The following RYR2 variants were observed in gnomAD, a reference collection of about 807,000 sequenced individuals.
RYR2 encodes ryanodine receptor 2, also known as cardiac muscle ryanodine receptor-calcium release channel.
Under a neutral mutation model 601.1 loss-of-function variants are expected in RYR2, and 227 were observed. The observed-to-expected ratio is 0.38, with a 90% CI of 0.34 to 0.42. RYR2 has a LOEUF of 0.42. Ranked by LOEUF, RYR2 falls within the 10% of genes least tolerant of loss-of-function variation. The pLI is 1.00. For synonymous variants in RYR2, 2,223 were observed against 2,175.1 expected (o/e 1.02, Z -0.61); for missense variants, 4,646 against 6,156.5 (o/e 0.75, Z 8.21).
intron 2 of RYR2, among the ~76,000 whole-genome samples, chr1:237,275,789 G>T (rs186619098): frequency 6.6e-6 from 1 of 152,076 alleles, no homozygotes; most frequent in African/African-American, 2.4e-5. Flanking sequence ...AATATTTTAG[G>T]CCACAAAGAA....
chr1:237,639,701 T>C (rs556389827), intron 46 of RYR2, among the ~76,000 whole-genome samples: 32 of 152,304 alleles, frequency 2.1e-4, no homozygotes, highest in African/African-American at 7.5e-4. Flanking sequence ...GCAGTCACTA[T>C]CTTACATTTA....
chr1:237,595,752 G>T (rs566562446), intron 34 of RYR2, 95 bp downstream of exon 34: 1 of 1,421,484 alleles, frequency 7.0e-7, no homozygotes, highest in Non-Finnish European at 9.3e-7. Flanking sequence ...AAGTAAAATA[G>T]ACACATGTAC....
Position 237,374,872 on chromosome 1 carries a change from C to T in RYR2, c.463+77C>T, listed in dbSNP as rs569759379. 481 of 1,076,180 alleles carry T rather than the reference C, an allele frequency of 4.5e-4. 2 individuals carry two copies. Among genetic ancestry groups the T allele is most frequent in the Admixed American group, 7.5e-4 (36 of 48,228 alleles). 66.7% of individuals were successfully genotyped at this position (1,076,180 alleles called of 1,614,324 possible). ...TTGGATTGGAAGAAGCCGGGAAATA[C>T]GATACATGGGATGAATGTTCTTATG... On this transcript the variant is annotated intron_variant, in intron 7 of 104. Transcript: ENST00000366574.
chr1:237,722,895 ACT>A lies in RYR2; in HGVS notation c.10555-229_10555-228del, dbSNP rs3036578. Among the ~76,000 whole-genome samples, 80,157 of 151,716 alleles carry A rather than the reference ACT, an allele frequency of 0.53. 23,522 individuals are homozygous for A. The highest frequency in any genetic ancestry group is 0.66 in the Non-Finnish European group (45,070 of 67,864). ...TATGTGCTAAGAGCTCCTGGAATCT[ACT>A]CTCAGCAAATTTCCAGTATGAATTG... On this transcript the variant is annotated intron_variant, in intron 73 of 104. Coordinates refer to ENST00000366574, the MANE Select transcript of RYR2 (RefSeq NM_001035.3).
intron 1 of RYR2, among the ~76,000 whole-genome samples, chr1:237,128,232 G>C (rs1348029000): frequency 6.6e-6 from 1 of 152,190 alleles, no homozygotes; most frequent in Non-Finnish European, 1.5e-5. Flanking sequence ...AAACCAGTCA[G>C]GCGTGGCGGC....
chr1:237,549,032 A>G (rs183459649), intron 26 of RYR2, among the ~76,000 whole-genome samples: 50 of 152,308 alleles, frequency 3.3e-4, no homozygotes, highest in Non-Finnish European at 5.6e-4. Flanking sequence ...GTATATACAT[A>G]ACAACCTTGG....
intron 12 of RYR2, among the ~76,000 whole-genome samples, chr1:237,431,111 A>G (rs1043452404): frequency 6.6e-6 from 1 of 152,184 alleles, no homozygotes; most frequent in Non-Finnish European, 1.5e-5. Context: ...CAGCCACTTC[A>G]TTCATACAGG....
intron 1 of RYR2, among the ~76,000 whole-genome samples, chr1:237,181,064 A>C (rs1678699540): frequency 6.6e-6 from 1 of 151,642 alleles, no homozygotes; most frequent in Admixed American, 6.6e-5. Flanking sequence ...GCTCATTGCA[A>C]CCTCCACCTC....
At chr1:237,568,207 A>G (rs1672296692) in intron 28 of RYR2, among the ~76,000 whole-genome samples, 2 of 152,178 alleles carry the variant, frequency 1.3e-5, no homozygotes, top group African/African-American at 4.8e-5. Flanking sequence ...CAGCCAGGTA[A>G]GTCGGTTGGG....
chr1:237,477,100 A>G (rs1043954993), intron 17 of RYR2, among the ~76,000 whole-genome samples: 13 of 152,180 alleles, frequency 8.5e-5, no homozygotes, highest in African/African-American at 3.1e-4. Context: ...TGCTTATTAG[A>G]AAACAAAATC....
intron 14 of RYR2, among the ~76,000 whole-genome samples, chr1:237,446,888 T>G (rs940373778): frequency 1.3e-5 from 2 of 152,196 alleles, no homozygotes; most frequent in Non-Finnish European, 2.9e-5. Context: ...ACAGTAAAAA[T>G]TTATTACATT....
intron 25 of RYR2, among the ~76,000 whole-genome samples, chr1:237,545,210 A>C (rs1669671128): frequency 6.6e-6 from 1 of 152,250 alleles, no homozygotes; most frequent in Non-Finnish European, 1.5e-5. Context: ...CTGTATGGGA[A>C]GAAAACAATG....
At chr1:237,093,890 G>C (rs1667231565) in intron 1 of RYR2, among the ~76,000 whole-genome samples, 1 of 152,214 alleles carries the variant, frequency 6.6e-6, no homozygotes, top group Admixed American at 6.5e-5. Context: ...CTGACTGAAC[G>C]TGGCAAACCA....
intron 1 of RYR2, among the ~76,000 whole-genome samples, chr1:237,208,956 A>G (rs1425949941): frequency 0.018 from 1,794 of 98,026 alleles, 117 homozygotes; most frequent in African/African-American, 0.053. Flanking sequence ...ATATATATAT[A>G]TATATATATA....
rs575490656 is a variant in RYR2 at position 237,286,322 on chromosome 1, A to C, written c.168+15706A>C. Among the ~76,000 whole-genome samples the C allele has an allele frequency of 1.7e-4, 26 of 151,770 alleles. 1 individual carries two copies. ...GGTTATTTAATTTCCATGTATTTGC[A>C]TGGTTTTGAAGGTTCCTTTTGGAGT... On this transcript the variant is annotated intron_variant, in intron 2 of 104. Transcript: ENST00000366574.
chr1:237,268,449 C>A (rs1572416410), intron 1 of RYR2, among the ~76,000 whole-genome samples: 1 of 152,142 alleles, frequency 6.6e-6, no homozygotes, highest in African/African-American at 2.4e-5. Flanking sequence ...AATTTATATT[C>A]AGATATACCC....
intron 100 of RYR2, among the ~76,000 whole-genome samples, chr1:237,817,304 T>C (rs1558477840): frequency 6.6e-6 from 1 of 152,210 alleles, no homozygotes. Context: ...AGTTGAACTA[T>C]GAGCATTTTG....
chr1:237,055,835 T>C (rs1299234275), intron 1 of RYR2, among the ~76,000 whole-genome samples: 2 of 152,212 alleles, frequency 1.3e-5, no homozygotes, highest in African/African-American at 4.8e-5. Flanking sequence ...CCCCTGGTCC[T>C]ATATGACTAG....
chr1:237,338,851 C>T (rs911691179), intron 3 of RYR2, among the ~76,000 whole-genome samples: 2 of 152,044 alleles, frequency 1.3e-5, no homozygotes, highest in Admixed American at 6.6e-5. Context: ...GATTTCTTTC[C>T]ATTAAAGCAC....
Sources: allele counts gnomAD v4.1 joint callset (sites outside exome capture counted in the v4.1 genomes callset), GRCh38; gene constraint gnomAD v4.1.1; transcripts MANE v1.5; gene names NCBI Gene and HGNC (gene_info 2026-07-23, HGNC 2026-07-21).